The following SDC3 variants were observed in gnomAD, a reference collection of about 807,000 sequenced individuals.
SDC3 encodes syndecan-3.
A neutral mutation model predicts 24.4 loss-of-function variants in SDC3; 13 were observed. The observed-to-expected ratio is 0.53, with a 90% CI of 0.35 to 0.85. The LOEUF (loss-of-function observed/expected upper bound fraction) is 0.85. Ranked by LOEUF, SDC3 falls within the 40% of genes least tolerant of loss-of-function variation. The probability of loss-of-function intolerance (pLI) is 0.01; values close to 1 mark genes in which losing one functional copy is unlikely to be tolerated. For missense variants in SDC3, 571 were observed against 584.5 expected (o/e 0.98, Z 0.24); for synonymous variants, 295 against 260.9 (o/e 1.13, Z -1.26).
intron 3 of SDC3, among the ~76,000 whole-genome samples, chr1:30,874,818 G>C (rs1351592952): frequency 6.6e-6 from 1 of 152,206 alleles, no homozygotes; most frequent in Non-Finnish European, 1.5e-5. Context: ...GTGGGGGACA[G>C]AACTAAAATT....
intron 1 of SDC3, among the ~76,000 whole-genome samples, chr1:30,894,405 A>G (rs1570019998): frequency 7.0e-5 from 4 of 57,180 alleles, no homozygotes; most frequent in Non-Finnish European, 1.2e-4. Context: ...GGGGAGTGAG[A>G]ATGTGTGTGT....
At chr1:30,894,681 TGAGTGTGTGGGTGA>T (rs1209960024) in intron 1 of SDC3, among the ~76,000 whole-genome samples, 7 of 62,918 alleles carry the variant, frequency 1.1e-4, no homozygotes, top group Admixed American at 5.5e-4. Context: ...TGGATGACTG[TGAGTGTGTGGGTGA>T]GAGTGTGTGG....
intron 1 of SDC3, among the ~76,000 whole-genome samples, chr1:30,895,775 T>C (rs565685987): frequency 1.4e-5 from 2 of 142,652 alleles, no homozygotes; most frequent in African/African-American, 5.1e-5. Context: ...GCCAGGGACA[T>C]GGGAGGTTCC....
intron 1 of SDC3, among the ~76,000 whole-genome samples, chr1:30,881,951 G>A (rs774288026): frequency 3.9e-5 from 6 of 152,052 alleles, no homozygotes; most frequent in African/African-American, 1.2e-4. Context: ...ACATCAACTC[G>A]GCAATGCCCA....
chr1:30,879,096 G>A (rs529312866), intron 1 of SDC3: 1 of 213,642 alleles, frequency 4.7e-6, no homozygotes, highest in East Asian at 1.2e-4. Context: ...TGGCTGTGGG[G>A]AGCCCTGGGG....
chr1:30,883,849 GCTC>G (rs1639781409), intron 1 of SDC3, among the ~76,000 whole-genome samples: 2 of 152,130 alleles, frequency 1.3e-5, no homozygotes, highest in African/African-American at 4.8e-5. Flanking sequence ...GTAACTACTA[GCTC>G]CTCGAGGCAG....
intron 1 of SDC3, among the ~76,000 whole-genome samples, chr1:30,893,305 C>CA (rs1639934297): frequency 3.5e-5 from 3 of 84,724 alleles, no homozygotes; most frequent in Non-Finnish European, 6.8e-5. Context: ...CACCAGGAGC[C>CA]CCCCCCCCCC....
intron 1 of SDC3, among the ~76,000 whole-genome samples, chr1:30,907,485 C>T (rs147059106): frequency 6.6e-6 from 1 of 152,324 alleles, no homozygotes; most frequent in East Asian, 1.9e-4. Flanking sequence ...TGCATGCACA[C>T]GCTGCTATGT....
chr1:30,899,458 T>C (rs1638362371), intron 1 of SDC3, among the ~76,000 whole-genome samples: 1 of 152,110 alleles, frequency 6.6e-6, no homozygotes, highest in Admixed American at 6.5e-5. Context: ...CACTGCAACC[T>C]CCGCCTCCCG....
Position 30,878,757 on chromosome 1 carries a change from T to C in SDC3, c.139-17A>G. On this transcript the variant is annotated splice_polypyrimidine_tract_variant and intron_variant, in intron 1 of 4. Transcript: ENST00000339394. Reference sequence around the variant, plus strand: ...GCGCTGGGCCTAGGGAAGGTAGAGGTGGACACAGGGCTCGGCACCCGAGAC... The same window carrying C: ...GCGCTGGGCCTAGGGAAGGTAGAGGCGGACACAGGGCTCGGCACCCGAGAC... 1 of 1,609,350 alleles carries C rather than the reference T, an allele frequency of 6.2e-7. No individual in the cohort carries two copies. Among genetic ancestry groups the C allele is most frequent in the East Asian group, 2.2e-5 (1 of 44,822 alleles).
intron 1 of SDC3, among the ~76,000 whole-genome samples, chr1:30,886,274 T>C (rs1486445546): frequency 6.6e-6 from 1 of 152,168 alleles, no homozygotes; most frequent in Non-Finnish European, 1.5e-5. Context: ...ATTAAGCTCC[T>C]ACTGTGTGCC....
In SDC3 at chr1:30,878,705, G is replaced by C; in HGVS notation, c.174C>G (p.Pro58=). ...QRWRSENFER[P]VDLEGSGDDD... is the part of the protein sequence containing the mutation. ...CATCCCCAGAGCCCTCCAGGTCCAC[G>C]GGTCTCTCGAAGTTCTCACTGCGCC... Residue 58 remains proline, a synonymous_variant, in exon 2 of 5, where the codon CCC becomes CCG. Transcript: ENST00000339394. 1.2e-6 allele frequency: 2 copies of C among 1,614,170 alleles called. No homozygotes were observed. The highest frequency in any genetic ancestry group is 8.5e-7 in the Non-Finnish European group (1 of 1,180,004).
intron 1 of SDC3, among the ~76,000 whole-genome samples, chr1:30,891,190 G>A (rs984347743): frequency 6.6e-6 from 1 of 152,240 alleles, no homozygotes; most frequent in African/African-American, 2.4e-5. Flanking sequence ...GCCTATCAGG[G>A]TCCCAGTGGT....
intron 1 of SDC3, among the ~76,000 whole-genome samples, chr1:30,900,231 G>A (rs563392208): frequency 7.0e-4 from 106 of 152,304 alleles, no homozygotes; most frequent in Non-Finnish European, 1.3e-3. Flanking sequence ...GCCATAGTGA[G>A]GACCCACTGA....
chr1:30,908,352 C>T, intron 1 of SDC3, 97 bp downstream of exon 1: 1 of 529,094 alleles, frequency 1.9e-6, no homozygotes, highest in Non-Finnish European at 2.1e-6. Context: ...GGGGAGGGAG[C>T]GGGGTCCCGG....
chr1:30,895,227 CAT>C (rs1639983876), intron 1 of SDC3, among the ~76,000 whole-genome samples: 2 of 152,182 alleles, frequency 1.3e-5, no homozygotes, highest in Non-Finnish European at 2.9e-5. Context: ...TGCCATCACA[CAT>C]GTTGCAGGTA....
At chr1:30,881,261 CACAG>C (rs1256176505) in intron 1 of SDC3, 2 of 154,300 alleles carry the variant, frequency 1.3e-5, no homozygotes, top group Admixed American at 6.6e-5. Flanking sequence ...CTAGGGTACT[CACAG>C]ACACACACAC....
Position 30,873,496 on chromosome 1 carries a change from T to G in SDC3, c.1163-119A>C, listed in dbSNP as rs549061097. 25 of 672,832 alleles carry G rather than the reference T, an allele frequency of 3.7e-5. No individual in the cohort carries two copies. In the African/African-American group the frequency reaches 4.0e-4, roughly 11 times the overall value. 41.7% of individuals were successfully genotyped at this position (672,832 alleles called of 1,614,324 possible). On this transcript the variant is annotated intron_variant, in intron 4 of 4. Transcript: ENST00000339394. ...TGGGAGTCCCAGATCTGAGTTGGAG[T>G]GATGATGGAGTCAATACTACTACTA...
rs778368236 is a variant in SDC3, at chr1:30,878,713, C to G, written c.166G>C (p.Glu56Gln). 3 of 1,614,046 alleles carry G rather than the reference C, an allele frequency of 1.9e-6. No homozygotes were observed. In the African/African-American group the frequency reaches 4.0e-5, roughly 22 times the overall value. ...GAQRWRSENF[E>Q]RPVDLEGSGD... is the part of the protein sequence containing the mutation. Reference sequence around the variant, plus strand: ...GAGCCCTCCAGGTCCACGGGTCTCTCGAAGTTCTCACTGCGCCAGCGCTGG... The same window carrying G: ...GAGCCCTCCAGGTCCACGGGTCTCTGGAAGTTCTCACTGCGCCAGCGCTGG... Residue 56 changes from glutamate (E) to glutamine (Q), a missense_variant, in exon 2 of 5, where the codon GAG becomes CAG. Coordinates refer to ENST00000339394, the MANE Select transcript of SDC3 (RefSeq NM_014654.4).
Sources: allele counts gnomAD v4.1 joint callset (sites outside exome capture counted in the v4.1 genomes callset), GRCh38; gene constraint gnomAD v4.1.1; transcripts MANE v1.5; gene names NCBI Gene and HGNC (gene_info 2026-07-23, HGNC 2026-07-21).